The following PHTF2 variants were observed in gnomAD, a reference collection of about 807,000 sequenced individuals.
PHTF2 encodes the protein protein PHTF2.
Under a neutral mutation model 101.2 loss-of-function variants are expected in PHTF2, and 60 were observed. That is an observed-to-expected ratio of 0.59 (90% CI 0.48 to 0.73). PHTF2 has a LOEUF of 0.73. Ranked by LOEUF, PHTF2 falls within the 30% of genes least tolerant of loss-of-function variation. The probability of loss-of-function intolerance (pLI) is 0.00; values close to 1 mark genes in which losing one functional copy is unlikely to be tolerated. For missense variants in PHTF2, 747 were observed against 908.7 expected (o/e 0.82, Z 2.29); for synonymous variants, 311 against 307.3 (o/e 1.01, Z -0.13).
At chr7:77,885,832 A>G (rs1467041010) in intron 3 of PHTF2, among the ~76,000 whole-genome samples, 2 of 152,182 alleles carry the variant, frequency 1.3e-5, no homozygotes, top group South Asian at 4.1e-4. Flanking sequence ...TGTTTGTTGC[A>G]TGGGGTTCAT....
At chr7:77,916,289 C>T (rs1802920091) in intron 9 of PHTF2, among the ~76,000 whole-genome samples, 1 of 152,044 alleles carries the variant, frequency 6.6e-6, no homozygotes, top group African/African-American at 2.4e-5. Flanking sequence ...TTTTTATTCC[C>T]TAAAACAAGG....
intron 3 of PHTF2, among the ~76,000 whole-genome samples, chr7:77,866,781 T>G (rs1025070213): frequency 3.7e-4 from 57 of 152,336 alleles, no homozygotes; most frequent in African/African-American, 1.3e-3. Context: ...TGACATAGCT[T>G]TTCTTGTTAT....
At chr7:77,900,629 T>C in intron 5 of PHTF2, 82 bp from the exon 5 acceptor site, 1 of 750,340 alleles carries the variant, frequency 1.3e-6, no homozygotes, top group Non-Finnish European at 2.4e-6. Flanking sequence ...TTATTTTAAA[T>C]TGAAAGCTTT....
chr7:77,856,745 T>C (rs541016401), intron 3 of PHTF2, among the ~76,000 whole-genome samples: 1 of 152,270 alleles, frequency 6.6e-6, no homozygotes, highest in East Asian at 1.9e-4. Flanking sequence ...AGAACAGTTA[T>C]AATGTATTAG....
rs563411377 is a variant in PHTF2, at chr7:77,938,792, AAAAAT to A, written c.1467+970_1467+974del. ...ACTCCGTCTCAAAAAATAAATAAATAAAAATAAAATAAAATAAAATGTGTTGATTT... is the reference window on the plus strand; with the variant it reads ...ACTCCGTCTCAAAAAATAAATAAATAAAAATAAAATAAAATGTGTTGATTT... On this transcript the variant is annotated intron_variant, in intron 13 of 19. Transcript: ENST00000416283. Among the ~76,000 whole-genome samples, 569 of 152,306 alleles carry A rather than the reference AAAAAT, an allele frequency of 3.7e-3. 2 individuals carry two copies. Among genetic ancestry groups the A allele is most frequent in the Non-Finnish European group, 3.8e-3 (261 of 68,022 alleles).
chr7:77,927,675 C>G (rs1324902590), intron 11 of PHTF2, among the ~76,000 whole-genome samples: 1 of 152,138 alleles, frequency 6.6e-6, no homozygotes. Flanking sequence ...TTGTTGAGCC[C>G]CTGCTTTGTG....
At chr7:77,928,401 G>A (rs848492) in intron 11 of PHTF2, among the ~76,000 whole-genome samples, 119,096 of 152,052 alleles carry the variant, frequency 0.78, 46,970 homozygotes, top group African/African-American at 0.86. Flanking sequence ...TGAGTTGGCA[G>A]TTACCTTCTT....
exon 7 of PHTF2, chr7:77,901,905 C>A: frequency 6.3e-7 from 1 of 1,582,528 alleles, no homozygotes; most frequent in Admixed American, 1.8e-5. Context: ...GCTTCTTGTC[C>A]TTTATCTTCT....
intron 11 of PHTF2, among the ~76,000 whole-genome samples, chr7:77,924,759 T>C (rs1584727404): frequency 6.6e-6 from 1 of 152,304 alleles, no homozygotes; most frequent in South Asian, 2.1e-4. Context: ...GGAAGACTTA[T>C]CCAGTCTTCT....
chr7:77,880,387 C>T (rs1233872605), intron 3 of PHTF2, among the ~76,000 whole-genome samples: 1 of 152,140 alleles, frequency 6.6e-6, no homozygotes, highest in Non-Finnish European at 1.5e-5. Context: ...AATCATTCTC[C>T]CATCTTAGCT....
chr7:77,823,586 T>C (rs1024093610), intron 1 of PHTF2, among the ~76,000 whole-genome samples: 1 of 152,232 alleles, frequency 6.6e-6, no homozygotes, highest in African/African-American at 2.4e-5. Flanking sequence ...TCTCACAATT[T>C]AATTTCCTTA....
chr7:77,906,969 G>T, intron 7 of PHTF2, among the ~76,000 whole-genome samples: 1 of 146,472 alleles, frequency 6.8e-6, no homozygotes, highest in Non-Finnish European at 1.5e-5. Context: ...ATTCACCAAT[G>T]TTAAGTATAC....
intron 1 of PHTF2, among the ~76,000 whole-genome samples, chr7:77,839,562 A>G (rs192860390): frequency 1.3e-5 from 2 of 152,228 alleles, no homozygotes; most frequent in East Asian, 3.9e-4. Context: ...ACTTTTAGGG[A>G]CTGTATTTTA....
Position 77,920,469 on chromosome 7 carries a change from C to T in PHTF2, c.963+4C>T, listed in dbSNP as rs755305949. On this transcript the variant is annotated splice_donor_region_variant and intron_variant, in intron 10 of 19. Transcript: ENST00000416283. ...ACTGAGGAATGGTCCTAGCAAAGTA[C>T]GTGTGATTTTTAAAATAGTTTGCCT... 9.3e-6 allele frequency: 15 copies of T among 1,608,110 alleles called. No homozygotes were observed. Among genetic ancestry groups the T allele is most frequent in the East Asian group, 6.7e-5 (3 of 44,816 alleles).
At chr7:77,832,981 A>G (rs897341226) in intron 1 of PHTF2, among the ~76,000 whole-genome samples, 2 of 152,088 alleles carry the variant, frequency 1.3e-5, no homozygotes, top group African/African-American at 2.4e-5. Flanking sequence ...AATAACTAAT[A>G]ATAAAATAGG....
intron 7 of PHTF2, among the ~76,000 whole-genome samples, chr7:77,904,375 G>A (rs147806697): frequency 2.1e-4 from 32 of 152,202 alleles, no homozygotes; most frequent in East Asian, 1.2e-3. Context: ...GAATCCTTTC[G>A]TAACTCCCCA....
chr7:77,953,419 G>C (rs1050029184), intron 18 of PHTF2, among the ~76,000 whole-genome samples: 1 of 152,072 alleles, frequency 6.6e-6, no homozygotes, highest in Non-Finnish European at 1.5e-5. Context: ...CAGAAAATTT[G>C]GCCAATTTCT....
rs566755095 is a variant in PHTF2 at position 77,934,745 on chromosome 7, C to T, written c.1339-2965C>T. Among the ~76,000 whole-genome samples, 25 of 152,090 alleles carry T rather than the reference C, an allele frequency of 1.6e-4. No individual in the cohort carries two copies. The South Asian group carries it at 2.3e-3, about 14-fold the overall frequency. On this transcript the variant is annotated intron_variant, in intron 12 of 19. Transcript: ENST00000416283. ...GGTGGATTACTTGAGGTCAGGAGTTCGAGACCAGCCTGGCAACATGGTGAA... is the reference window on the plus strand; with the variant it reads ...GGTGGATTACTTGAGGTCAGGAGTTTGAGACCAGCCTGGCAACATGGTGAA...
At chr7:77,827,710 G>A (rs1487023990) in intron 1 of PHTF2, among the ~76,000 whole-genome samples, 2 of 151,578 alleles carry the variant, frequency 1.3e-5, no homozygotes, top group African/African-American at 2.4e-5. Flanking sequence ...TGGTGTGACC[G>A]CAGCTCACTG....
Sources: allele counts gnomAD v4.1 joint callset (sites outside exome capture counted in the v4.1 genomes callset), GRCh38; gene constraint gnomAD v4.1.1; transcripts MANE v1.5; gene names NCBI Gene and HGNC (gene_info 2026-07-23, HGNC 2026-07-21).